The following ASTN2 variants were observed in gnomAD, a reference collection of about 807,000 sequenced individuals.
The protein encoded by ASTN2 is astrotactin-2.
Under a neutral mutation model 139.8 loss-of-function variants are expected in ASTN2, and 54 were observed. The ratio of observed to expected loss-of-function variants is 0.39; its 90% CI spans 0.31 to 0.48. ASTN2 has a LOEUF of 0.48. Ranked by LOEUF, ASTN2 falls within the 20% of genes least tolerant of loss-of-function variation. The pLI, the probability that ASTN2 is intolerant of heterozygous loss-of-function variation, is 0.95. For synonymous variants in ASTN2, 756 were observed against 719.5 expected, an observed-to-expected ratio of 1.05 and a Z score of -0.81; for missense variants, 1,565 against 1,725.1, an observed-to-expected ratio of 0.91 and a Z score of 1.64.
intron 2 of ASTN2, among the ~76,000 whole-genome samples, chr9:117,246,683 T>C (rs1426737228): frequency 1.3e-5 from 2 of 152,214 alleles, no homozygotes; most frequent in Non-Finnish European, 2.9e-5. Flanking sequence ...GGGTGTCTGA[T>C]GCATTTCTTC....
intron 1 of ASTN2, among the ~76,000 whole-genome samples, chr9:117,330,324 G>T (rs1365251408): frequency 6.6e-6 from 1 of 152,210 alleles, no homozygotes; most frequent in Non-Finnish European, 1.5e-5. Context: ...CAGTGAAAGA[G>T]AAATTAGCCA....
chr9:116,432,636 T>C (rs540752573), intron 22 of ASTN2, among the ~76,000 whole-genome samples: 2 of 152,298 alleles, frequency 1.3e-5, no homozygotes, highest in South Asian at 4.1e-4. Flanking sequence ...GCAAGAATAA[T>C]GAATTAATAA....
At chr9:117,195,806 A>G (rs1279178027) in intron 3 of ASTN2, among the ~76,000 whole-genome samples, 1 of 152,124 alleles carries the variant, frequency 6.6e-6, no homozygotes, top group Non-Finnish European at 1.5e-5. Context: ...AGAGTGATCT[A>G]TTGACACCAA....
intron 3 of ASTN2, among the ~76,000 whole-genome samples, chr9:117,168,887 T>C: frequency 6.6e-6 from 1 of 152,164 alleles, no homozygotes; most frequent in East Asian, 1.9e-4. Flanking sequence ...TGAACCTAAC[T>C]TGTAGTGCGA....
intron 2 of ASTN2, among the ~76,000 whole-genome samples, chr9:117,262,417 A>ATTTAT (rs1554713371): frequency 1.1e-4 from 16 of 149,954 alleles, no homozygotes; most frequent in South Asian, 2.1e-4. Context: ...TTATTTATTT[A>ATTTAT]TTTTTTATCT....
At chr9:116,877,171 G>A (rs1013917681) in intron 10 of ASTN2, among the ~76,000 whole-genome samples, 14 of 152,316 alleles carry the variant, frequency 9.2e-5, no homozygotes, top group African/African-American at 3.1e-4. Flanking sequence ...AATAGGGGAA[G>A]GACACAGAAA....
chr9:117,006,882 C>T (rs948147491), intron 7 of ASTN2, among the ~76,000 whole-genome samples: 41 of 152,166 alleles, frequency 2.7e-4, no homozygotes, highest in African/African-American at 8.2e-4. Context: ...TTTGGGAGGC[C>T]GAGGTGGGCG....
intron 19 of ASTN2, among the ~76,000 whole-genome samples, chr9:116,587,122 C>G (rs1268285397): frequency 3.3e-5 from 5 of 152,054 alleles, no homozygotes; most frequent in Non-Finnish European, 5.9e-5. Context: ...GGGCGGATCA[C>G]CTGAGGTCAG....
At chr9:116,895,053 T>A (rs964528107) in intron 10 of ASTN2, among the ~76,000 whole-genome samples, 1 of 152,214 alleles carries the variant, frequency 6.6e-6, no homozygotes, top group African/African-American at 2.4e-5. Flanking sequence ...GCTTAATACA[T>A]TTATTTGTAC....
chr9:117,396,618 T>C (rs1040686493), intron 1 of ASTN2, among the ~76,000 whole-genome samples: 5 of 152,120 alleles, frequency 3.3e-5, no homozygotes, highest in African/African-American at 7.2e-5. Context: ...CAGGCTAGAG[T>C]GCAGTGGCCT....
chr9:116,734,720 G>T (rs923387808), intron 13 of ASTN2, among the ~76,000 whole-genome samples: 5 of 152,214 alleles, frequency 3.3e-5, no homozygotes, highest in African/African-American at 1.2e-4. Context: ...TTTGAAGCCT[G>T]TATCTCAGAC....
chr9:116,971,072 C>T (rs1160251761), intron 10 of ASTN2, among the ~76,000 whole-genome samples: 1 of 152,086 alleles, frequency 6.6e-6, no homozygotes, highest in Non-Finnish European at 1.5e-5. Context: ...CAGAGGTGGG[C>T]TGTATTTATC....
chr9:117,362,402 C>T (rs1829717019), intron 1 of ASTN2, among the ~76,000 whole-genome samples: 1 of 152,106 alleles, frequency 6.6e-6, no homozygotes, highest in Admixed American at 6.6e-5. Context: ...TCCAAGTTAT[C>T]TTGCCTGCAG....
chr9:117,314,058 T>C (rs1828058107), intron 1 of ASTN2, among the ~76,000 whole-genome samples: 1 of 152,184 alleles, frequency 6.6e-6, no homozygotes, highest in Non-Finnish European at 1.5e-5. Context: ...AACAGATTTC[T>C]AATGCACTGC....
chr9:116,717,625 T>C (rs1828349399), intron 16 of ASTN2, among the ~76,000 whole-genome samples: 2 of 152,158 alleles, frequency 1.3e-5, no homozygotes, highest in East Asian at 1.9e-4. Context: ...GCAGCCAGGC[T>C]GGGATTTTTC....
intron 12 of ASTN2, among the ~76,000 whole-genome samples, chr9:116,811,251 C>G (rs995635282): frequency 6.6e-6 from 1 of 151,482 alleles, no homozygotes; most frequent in Non-Finnish European, 1.5e-5. Flanking sequence ...TGTTTATTTT[C>G]AATCTTTCTT....
chr9:116,861,582 G>A (rs1832884256), intron 11 of ASTN2, among the ~76,000 whole-genome samples: 1 of 152,168 alleles, frequency 6.6e-6, no homozygotes, highest in Non-Finnish European at 1.5e-5. Context: ...AACTCCTGTT[G>A]CCAGCACCCC....
intron 20 of ASTN2, among the ~76,000 whole-genome samples, chr9:116,466,576 C>T (rs1263081833): frequency 6.6e-6 from 1 of 152,154 alleles, no homozygotes; most frequent in African/African-American, 2.4e-5. Context: ...ACACCTTCCT[C>T]AGACAGAACA....
intron 22 of ASTN2, among the ~76,000 whole-genome samples, chr9:116,426,497 T>C (rs1407913901): frequency 6.6e-6 from 1 of 152,202 alleles, no homozygotes; most frequent in Non-Finnish European, 1.5e-5. Context: ...ATTTAGCCTT[T>C]ATAACTATCC....
Sources: allele counts gnomAD v4.1 joint callset (sites outside exome capture counted in the v4.1 genomes callset), GRCh38; gene constraint gnomAD v4.1.1; transcripts MANE v1.5; gene names NCBI Gene and HGNC (gene_info 2026-07-23, HGNC 2026-07-21).